Variants in CASD1 observed in about 807,000 individuals in gnomAD.
CASD1 encodes N-acetylneuraminate (7)9-O-acetyltransferase.
CASD1 carries 41 observed loss-of-function variants against 100.0 expected under a neutral mutation model. That is an observed-to-expected ratio of 0.41 (90% CI 0.32 to 0.53). The LOEUF (loss-of-function observed/expected upper bound fraction) is 0.53. Among genes scored for constraint, CASD1 ranks in the 20% least tolerant of loss-of-function variants. CASD1 has a pLI of 0.25. For missense variants in CASD1, 774 were observed against 948.7 expected (o/e 0.82, Z 2.42); for synonymous variants, 321 against 315.6 (o/e 1.02, Z -0.18).
At chr7:94,526,072 A>G (rs571022961) in intron 3 of CASD1, among the ~76,000 whole-genome samples, 1 of 152,236 alleles carries the variant, frequency 6.6e-6, no homozygotes, top group South Asian at 2.1e-4. Context: ...TCAAAGTGAA[A>G]CCTATAGCAA....
At chr7:94,614,224 A>G in the CASD1 span, among the ~76,000 whole-genome samples, 10 of 151,936 alleles carry the variant, frequency 6.6e-5, no homozygotes, top group African/African-American at 2.4e-4. Context: ...ATTCTAAAAG[A>G]ATTTTTTCAT....
At chr7:94,621,224 T>A in the CASD1 span, 1 of 152,216 alleles carries the variant, frequency 6.6e-6, no homozygotes, top group Non-Finnish European at 1.5e-5. Context: ...ACTGCACATA[T>A]ACATTTCTGT....
the CASD1 span, chr7:94,587,363 T>C: frequency 3.8e-6 from 4 of 1,042,844 alleles, no homozygotes; most frequent in Non-Finnish European, 4.6e-6. Context: ...AAATATTTAC[T>C]GTTTTTCTAG....
chr7:94,613,408 T>C, the CASD1 span, among the ~76,000 whole-genome samples: 1 of 152,326 alleles, frequency 6.6e-6, no homozygotes, highest in African/African-American at 2.4e-5. Context: ...TTTATGACCC[T>C]AGCACATGTT....
At chr7:94,576,033 GT>G in the CASD1 span, among the ~76,000 whole-genome samples, 2 of 152,258 alleles carry the variant, frequency 1.3e-5, no homozygotes, top group Middle Eastern at 6.8e-3. Flanking sequence ...AGTTTTGGAA[GT>G]TTTGGCCATT....
At chr7:94,618,500 A>G in the CASD1 span, 1 of 421,498 alleles carries the variant, frequency 2.4e-6, no homozygotes, top group Non-Finnish European at 4.2e-6. Context: ...GGAAGGTACA[A>G]AAGACTTAGT....
At chr7:94,603,331 A>T in the CASD1 span, 1 of 1,612,818 alleles carries the variant, frequency 6.2e-7, no homozygotes, top group Non-Finnish European at 8.5e-7. Flanking sequence ...TGAGTACGAA[A>T]TTTTTTATCA....
At chr7:94,603,533 T>TA in the CASD1 span, 1 of 1,371,112 alleles carries the variant, frequency 7.3e-7, no homozygotes, top group African/African-American at 1.4e-5. Context: ...AAGCAGGATT[T>TA]AGCCTTTTGA....
intron 1 of CASD1, among the ~76,000 whole-genome samples, chr7:94,513,085 C>G (rs778632728): frequency 5.3e-5 from 8 of 152,052 alleles, no homozygotes; most frequent in Non-Finnish European, 1.2e-4. Flanking sequence ...GCCTATAATC[C>G]CAGCACTTTG....
chr7:94,592,348 G>C, the CASD1 span, among the ~76,000 whole-genome samples: 1 of 152,156 alleles, frequency 6.6e-6, no homozygotes, highest in Non-Finnish European at 1.5e-5. Context: ...TCTTTGGTGA[G>C]AGCAGGCTGC....
At position 94,555,915 on chromosome 7, in the gene CASD1, T is replaced by C. The variant is rs1220452552; in HGVS notation, c.*157T>C. 5.6e-6 allele frequency: 4 copies of C among 714,442 alleles called. No homozygotes were observed. Among genetic ancestry groups the C allele is most frequent in the Non-Finnish European group, 9.0e-6 (4 of 444,032 alleles). 44.3% of individuals were successfully genotyped at this position (714,442 alleles called of 1,614,324 possible). ...CATCTGTTGAACATATGTGGTTGTA[T>C]ATATTGGAAATGTACATATCCAATA... On this transcript the variant is annotated 3_prime_UTR_variant, in exon 18 of 18. Coordinates refer to ENST00000297273, the MANE Select transcript of CASD1 (RefSeq NM_022900.5).
At chr7:94,564,856 G>A in the CASD1 span, among the ~76,000 whole-genome samples, 1 of 152,148 alleles carries the variant, frequency 6.6e-6, no homozygotes. Flanking sequence ...AAGCTTTGCA[G>A]TACTCTATAT....
chr7:94,601,474 A>AAAAAAAAAT, the CASD1 span, among the ~76,000 whole-genome samples: 1 of 145,152 alleles, frequency 6.9e-6, no homozygotes, highest in African/African-American at 2.5e-5. Flanking sequence ...AAAAAAAAAA[A>AAAAAAAAAT]AACTACAACA....
At chr7:94,632,898 G>C in the CASD1 span, among the ~76,000 whole-genome samples, 1 of 152,056 alleles carries the variant, frequency 6.6e-6, no homozygotes, top group African/African-American at 2.4e-5. Flanking sequence ...AACACCTACA[G>C]AGGCTATTAC....
downstream of CASD1, among the ~76,000 whole-genome samples, chr7:94,557,513 A>G (rs919233454): frequency 1.3e-5 from 2 of 152,100 alleles, no homozygotes; most frequent in African/African-American, 2.4e-5. Context: ...AGTAGAGTGC[A>G]TTTTAATTTA....
the CASD1 span, among the ~76,000 whole-genome samples, chr7:94,632,707 C>T: frequency 1.3e-5 from 2 of 152,004 alleles, no homozygotes; most frequent in Non-Finnish European, 2.9e-5. Flanking sequence ...AGAGGAGTGC[C>T]CTTTGCCTTT....
At chr7:94,614,302 A>G in the CASD1 span, among the ~76,000 whole-genome samples, 4 of 151,936 alleles carry the variant, frequency 2.6e-5, no homozygotes, top group Non-Finnish European at 5.9e-5. Context: ...GTCCCCTAAA[A>G]TCCCAGCACC....
At chr7:94,628,028 A>C in the CASD1 span, 6 of 561,214 alleles carry the variant, frequency 1.1e-5, no homozygotes, top group Non-Finnish European at 1.9e-5. Context: ...CTTTATAAAC[A>C]GAGAAGAATG....
the CASD1 span, among the ~76,000 whole-genome samples, chr7:94,602,004 T>C: frequency 2.0e-5 from 3 of 152,292 alleles, no homozygotes; most frequent in Non-Finnish European, 2.9e-5. Context: ...TTTCCACTTA[T>C]AAAGCCTTAA....
Sources: allele counts gnomAD v4.1 joint callset (sites outside exome capture counted in the v4.1 genomes callset), GRCh38; gene constraint gnomAD v4.1.1; transcripts MANE v1.5; gene names NCBI Gene and HGNC (gene_info 2026-07-23, HGNC 2026-07-21).